Variants in FSTL4 observed in about 807,000 individuals in gnomAD.
FSTL4 encodes the protein follistatin like 4, also known as follistatin-related protein 4.
Under a neutral mutation model 78.2 loss-of-function variants are expected in FSTL4, and 28 were observed. The observed-to-expected ratio is 0.36, with a 90% confidence interval of 0.27 to 0.49. The LOEUF is 0.49. FSTL4 is among the 20% of genes least tolerant of loss of function. FSTL4 has a pLI of 0.98. For synonymous variants in FSTL4, 422 were observed against 440.5 expected (o/e 0.96, Z 0.53); for missense variants, 922 against 1,084.9 (o/e 0.85, Z 2.11).
intron 3 of FSTL4, chr5:133,458,350 C>G (rs1330077289): frequency 6.6e-6 from 1 of 152,194 alleles, no homozygotes; most frequent in Non-Finnish European, 1.5e-5. Flanking sequence ...TAATGGCAGC[C>G]TTGAAATATC....
chr5:133,428,707 C>T (rs1756878094), intron 3 of FSTL4, among the ~76,000 whole-genome samples: 1 of 152,184 alleles, frequency 6.6e-6, no homozygotes, highest in Non-Finnish European at 1.5e-5. Context: ...GAAGCAACCT[C>T]GACTCCAGAT....
intron 3 of FSTL4, among the ~76,000 whole-genome samples, chr5:133,412,849 T>C (rs984612304): frequency 1.3e-5 from 2 of 152,180 alleles, no homozygotes; most frequent in African/African-American, 4.8e-5. Context: ...AGAGACTTTC[T>C]TCTTTTGCTC....
At chr5:133,470,163 C>A (rs1246584344) in intron 3 of FSTL4, among the ~76,000 whole-genome samples, 1 of 152,164 alleles carries the variant, frequency 6.6e-6, no homozygotes, top group Non-Finnish European at 1.5e-5. Flanking sequence ...AACCCTTGTG[C>A]TGTCCTTACT....
At chr5:133,513,615 C>T (rs1256261261) in intron 3 of FSTL4, among the ~76,000 whole-genome samples, 1 of 152,178 alleles carries the variant, frequency 6.6e-6, no homozygotes, top group Non-Finnish European at 1.5e-5. Flanking sequence ...CTTCAGCCAT[C>T]CACATGGACA....
At chr5:133,519,603 T>C (rs1758933579) in intron 3 of FSTL4, among the ~76,000 whole-genome samples, 1 of 152,230 alleles carries the variant, frequency 6.6e-6, no homozygotes, top group Admixed American at 6.5e-5. Flanking sequence ...ATAGCAGTAA[T>C]GATGGTGCCT....
intron 2 of FSTL4, among the ~76,000 whole-genome samples, chr5:133,598,702 C>T (rs774793799): frequency 2.4e-5 from 2 of 83,478 alleles, no homozygotes; most frequent in African/African-American, 1.0e-4. Flanking sequence ...GAAAGGAGTA[C>T]GTGGTTCGGT....
At chr5:133,282,736 C>G (rs1753038523) in intron 6 of FSTL4, among the ~76,000 whole-genome samples, 1 of 152,170 alleles carries the variant, frequency 6.6e-6, no homozygotes, top group South Asian at 2.1e-4. Flanking sequence ...TCAATGGGAA[C>G]TGCCCTGAAC....
intron 6 of FSTL4, among the ~76,000 whole-genome samples, chr5:133,305,460 C>T (rs888904565): frequency 6.6e-6 from 1 of 152,226 alleles, no homozygotes; most frequent in Non-Finnish European, 1.5e-5. Context: ...CCTTTTTCCT[C>T]ACCCTCTGCC....
At chr5:133,269,833 A>G (rs1011793634) in intron 6 of FSTL4, among the ~76,000 whole-genome samples, 1 of 152,234 alleles carries the variant, frequency 6.6e-6, no homozygotes, top group Non-Finnish European at 1.5e-5. Flanking sequence ...ACCCTTATGA[A>G]TATGGGTTTG....
chr5:133,271,096 C>T (rs1358497416), intron 6 of FSTL4, among the ~76,000 whole-genome samples: 3 of 152,202 alleles, frequency 2.0e-5, no homozygotes, highest in Non-Finnish European at 4.4e-5. Context: ...GCTCTGCTTG[C>T]CCGTCTTGAA....
the FSTL4 span, among the ~76,000 whole-genome samples, chr5:133,711,845 T>TA: frequency 6.6e-6 from 1 of 152,062 alleles, no homozygotes; most frequent in Non-Finnish European, 1.5e-5. Context: ...CCCTTGGGCT[T>TA]AGAGGAAAAA....
At chr5:133,442,648 T>C (rs979532330) in intron 3 of FSTL4, among the ~76,000 whole-genome samples, 6 of 152,260 alleles carry the variant, frequency 3.9e-5, no homozygotes, top group African/African-American at 1.4e-4. Context: ...TCTTGAGCCC[T>C]GGTAGAAGTG....
chr5:133,841,448 G>A, the FSTL4 span, among the ~76,000 whole-genome samples: 1 of 152,184 alleles, frequency 6.6e-6, no homozygotes, highest in Non-Finnish European at 1.5e-5. Context: ...ATATCCACCA[G>A]GAGGTTCCTC....
At chr5:133,433,655 G>A (rs140386187) in intron 3 of FSTL4, among the ~76,000 whole-genome samples, 6 of 152,324 alleles carry the variant, frequency 3.9e-5, no homozygotes, top group Non-Finnish European at 1.5e-5. Context: ...AGATGGTCGT[G>A]AGTGCAGACA....
At chr5:133,773,825 A>C in the FSTL4 span, among the ~76,000 whole-genome samples, 1 of 152,320 alleles carries the variant, frequency 6.6e-6, no homozygotes, top group East Asian at 1.9e-4. Flanking sequence ...CCCAGGAAGC[A>C]GGCCTTAAAA....
intron 6 of FSTL4, among the ~76,000 whole-genome samples, chr5:133,292,381 C>T (rs528639811): frequency 6.6e-6 from 1 of 152,216 alleles, no homozygotes; most frequent in East Asian, 1.9e-4. Context: ...AGGCCCCAGT[C>T]CTCCTGCCTC....
At chr5:133,260,942 A>C (rs1277240904) in intron 6 of FSTL4, among the ~76,000 whole-genome samples, 1 of 152,164 alleles carries the variant, frequency 6.6e-6, no homozygotes, top group Non-Finnish European at 1.5e-5. Flanking sequence ...CAGTGGTAAG[A>C]AAGGAGGCTG....
chr5:133,466,950 G>A (rs951257188), intron 3 of FSTL4, among the ~76,000 whole-genome samples: 9 of 143,748 alleles, frequency 6.3e-5, no homozygotes, highest in Non-Finnish European at 1.2e-4. Context: ...GTGTGAGTAC[G>A]AGTGACTGTA....
chr5:133,347,672 C>G (rs1365789524), intron 4 of FSTL4, among the ~76,000 whole-genome samples: 2 of 152,132 alleles, frequency 1.3e-5, no homozygotes, highest in African/African-American at 4.8e-5. Context: ...ACTTTCAATC[C>G]CTTGAGGTCA....
Sources: allele counts gnomAD v4.1 joint callset (sites outside exome capture counted in the v4.1 genomes callset), GRCh38; gene constraint gnomAD v4.1.1; transcripts MANE v1.5; gene names NCBI Gene and HGNC (gene_info 2026-07-23, HGNC 2026-07-21).